ACOX1: variants seen among roughly 807,000 people sequenced by gnomAD.
ACOX1 encodes peroxisomal acyl-coenzyme A oxidase 1.
ACOX1 carries 41 observed loss-of-function variants against 75.5 expected under a neutral mutation model. The ratio of observed to expected loss-of-function variants is 0.54; its 90% CI spans 0.42 to 0.70. The LOEUF (loss-of-function observed/expected upper bound fraction) is 0.70, where lower values mean the gene tolerates loss of function less well. ACOX1 is among the 30% of genes least tolerant of loss of function. The pLI, the probability that ACOX1 is intolerant of heterozygous loss-of-function variation, is 0.00. For synonymous variants in ACOX1, 303 were observed against 298.8 expected, an observed-to-expected ratio of 1.01 and a Z score of -0.15; for missense variants, 630 against 837.5, an observed-to-expected ratio of 0.75 and a Z score of 3.06.
Position 75,958,120 on chromosome 17 carries a change from C to T in ACOX1, c.431-554G>A, listed in dbSNP as rs147830691. On this transcript the variant is annotated intron_variant, in intron 3 of 13. Transcript: ENST00000293217. ...CTGTAATCCCAGCACTTTAGGAGGC[C>T]GAGGCGGGTGGATCACGAGGTCAGG... is the stretch of plus-strand genomic sequence containing the variant. Among the ~76,000 whole-genome samples the T allele has an allele frequency of 3.6e-3, 543 of 152,008 alleles. 7 individuals carry two copies. Among genetic ancestry groups the T allele is most frequent in the African/African-American group, 0.011 (469 of 41,478 alleles).
intron 2 of ACOX1, among the ~76,000 whole-genome samples, chr17:75,965,316 C>A (rs1248648355): frequency 1.1e-4 from 13 of 122,310 alleles, no homozygotes; most frequent in African/African-American, 3.9e-4. Context: ...CCAGCCTGGG[C>A]GACAGAGCGA....
intron 6 of ACOX1, among the ~76,000 whole-genome samples, chr17:75,955,115 G>A (rs190435069): frequency 1.3e-3 from 185 of 147,976 alleles, no homozygotes; most frequent in African/African-American, 3.4e-3. Context: ...TGATCTTCCC[G>A]CCTCAGCCTC....
At chr17:75,968,262 C>T (rs1021616282) in intron 2 of ACOX1, among the ~76,000 whole-genome samples, 26 of 148,034 alleles carry the variant, frequency 1.8e-4, no homozygotes, top group Non-Finnish European at 3.0e-4. Flanking sequence ...CGGTGAAACC[C>T]CGTCTCTACT....
At chr17:75,975,812 G>C (rs1340476737) in intron 2 of ACOX1, among the ~76,000 whole-genome samples, 4 of 151,600 alleles carry the variant, frequency 2.6e-5, no homozygotes, top group Non-Finnish European at 5.9e-5. Flanking sequence ...TGAGGTGGCA[G>C]ATGCCTCTTC....
rs55762557 is a variant in ACOX1, at chr17:75,970,184, C to CAAAAAA, written c.269+8344_269+8349dup. On this transcript the variant is annotated intron_variant, in intron 2 of 13. Transcript: ENST00000293217. ...CAGCTTGGGCAACATGAGACTCCTT[C>CAAAAAA]AAAAAAAAAAAAAAAAAGAGGAAGG... Among the ~76,000 whole-genome samples, 56 of 69,080 alleles carry CAAAAAA rather than the reference C, an allele frequency of 8.1e-4. 3 individuals carry two copies. Among genetic ancestry groups the CAAAAAA allele is most frequent in the Non-Finnish European group, 1.3e-3 (48 of 35,602 alleles). 45.3% of individuals were successfully genotyped at this position (69,080 alleles called of 152,430 possible). A position where few individuals can be genotyped will look rare whatever the true frequency, so the allele number is the denominator to read the frequency against.
rs2065754869 is a variant in ACOX1 at position 75,949,594 on chromosome 17, T to G, written c.1485A>C (p.Val495=). ...EAYKLRAARL[V]EIAAKNLQKE... ...TTTGAAGGTTTTTTGCAGCAATTTC[T>G]ACTAATCTGTTAAGACATAGATTGG... Residue 495 remains valine (V), a synonymous_variant, in exon 11 of 14, where the codon GTA becomes GTC. Coordinates refer to ENST00000293217, the MANE Select transcript of ACOX1 (RefSeq NM_004035.7). 6.2e-7 allele frequency: 1 copy of G among 1,614,026 alleles called. No individual in the cohort carries two copies. Among genetic ancestry groups the G allele is most frequent in the Admixed American group, 1.7e-5 (1 of 59,994 alleles).
intron 13 of ACOX1, among the ~76,000 whole-genome samples, chr17:75,947,084 G>A (rs2065727565): frequency 6.6e-6 from 1 of 151,856 alleles, no homozygotes; most frequent in South Asian, 2.1e-4. Context: ...TGGCCAGGCT[G>A]GTCTAGAACT....
In ACOX1 at chr17:75,957,537, C is replaced by T. The variant is rs145324538; in HGVS notation, c.460G>A (p.Ala154Thr). 1 of 1,613,950 alleles carries T rather than the reference C, an allele frequency of 6.2e-7. No individual in the cohort carries two copies. Among genetic ancestry groups the T allele is most frequent in the Non-Finnish European group, 8.5e-7 (1 of 1,180,008 alleles). Residue 154 changes from alanine to threonine, a missense_variant, in exon 4 of 14, where the codon GCC becomes ACC. Coordinates refer to ENST00000293217, the MANE Select transcript of ACOX1 (RefSeq NM_004035.7). ...TCCTGGGTTTCAGGGTCATACGTGG[C>T]TGTGGTTTCCAAGCCTCGAAGGTGA... ...GTHLRGLETT[A>T]TYDPETQEFI...
chr17:75,950,806 T>C lies in ACOX1; in HGVS notation c.1266A>G (p.Gly422=). 6.2e-7 allele frequency: 1 copy of C among 1,614,132 alleles called. No individual in the cohort carries two copies. Among genetic ancestry groups the C allele is most frequent in the Non-Finnish European group, 8.5e-7 (1 of 1,180,016 alleles). The stretch of plus-strand genomic sequence containing the variant: ...TCTGGAGCATCATGACAGTGTTTTC[T>C]CCCTCAAAGGTACAGCTTGGGGTGA... ...VNFTPSCTFE[G]ENTVMMLQTA... The change falls in exon 9 of 14, where the codon GGA becomes GGG. Residue 422 remains glycine, a synonymous_variant. Coordinates refer to ENST00000293217, the MANE Select transcript of ACOX1 (RefSeq NM_004035.7). The surrounding 1 kb of genome is among the most constrained non-coding windows in gnomAD (Gnocchi z 4.3).
Position 75,949,841 on chromosome 17 carries a change from A to C in ACOX1, c.1355T>G (p.Val452Gly). The C allele has an allele frequency of 6.2e-7, 1 of 1,614,206 alleles. No individual in the cohort carries two copies. The highest frequency in any genetic ancestry group is 8.5e-7 in the Non-Finnish European group (1 of 1,180,030). Residue 452 changes from valine to glycine, a missense_variant, in exon 10 of 14, where the codon GTG (valine) becomes GGG (glycine). Around this residue, in one of 2 missense-constraint regions of ACOX1, gnomAD observed 240 missense variants for 262.7 expected, o/e 0.91. Coordinates refer to ENST00000293217, the MANE Select transcript of ACOX1 (RefSeq NM_004035.7). Reference sequence around the variant, plus strand: ...ACTGGGCAGGTCGTTCAAATAGGACACCATGCCACACACCAACTTTCCTGA... The same window carrying C: ...ACTGGGCAGGTCGTTCAAATAGGACCCCATGCCACACACCAACTTTCCTGA... The part of the protein sequence containing the change: ...VHSGKLVCGM[V>G]SYLNDLPSQR...
intron 2 of ACOX1, chr17:75,973,907 T>C (rs946420612): frequency 4.3e-6 from 4 of 927,312 alleles, no homozygotes; most frequent in South Asian, 1.5e-5. Flanking sequence ...CCCCTTCTTA[T>C]GAAATTAAAT....
intron 6 of ACOX1, among the ~76,000 whole-genome samples, chr17:75,955,020 A>C (rs1254061097): frequency 6.6e-6 from 1 of 152,090 alleles, no homozygotes; most frequent in Non-Finnish European, 1.5e-5. Context: ...GGTGCGCACC[A>C]CCACGCCCAG....
chr17:75,947,672 A>G (rs1171826065), intron 13 of ACOX1, among the ~76,000 whole-genome samples: 2 of 148,818 alleles, frequency 1.3e-5, no homozygotes, highest in Admixed American at 6.7e-5. Flanking sequence ...CTCTTTTTGT[A>G]TATTTTATTC....
rs563488447 is a variant in ACOX1 at position 75,960,122 on chromosome 17, C to T, written c.430+93G>A. 13 of 1,508,834 alleles carry T rather than the reference C, an allele frequency of 8.6e-6. No homozygotes were observed. Among genetic ancestry groups the T allele is most frequent in the Admixed American group, 1.7e-5 (1 of 57,540 alleles). The allele number at this position is 1,508,834 out of a possible 1,614,324, so 93.5% of individuals were successfully genotyped here. A position where few individuals can be genotyped will look rare whatever the true frequency, so the allele number is the denominator to read the frequency against. On this transcript the variant is annotated intron_variant, in intron 3 of 13. Coordinates refer to ENST00000293217, the MANE Select transcript of ACOX1 (RefSeq NM_004035.7). This position sits in a 1 kb window ranked among gnomAD's most constrained non-coding sequence, Gnocchi z 4.4. ...CTCATTTAAACAGACCATAGAACATCGACACACCATCGATGGCACATGGTG... is the reference window on the plus strand; with the variant it reads ...CTCATTTAAACAGACCATAGAACATTGACACACCATCGATGGCACATGGTG...
At chr17:75,948,852 TTTTC>T (rs200821416) in intron 12 of ACOX1, among the ~76,000 whole-genome samples, 17,609 of 146,598 alleles carry the variant, frequency 0.12, 1,582 homozygotes, top group African/African-American at 0.25. Flanking sequence ...GCCTGGCTAT[TTTTC>T]TTTTTCTTTT....
rs2066039592 is a variant in ACOX1, at chr17:75,975,459, C to T, written c.269+3075G>A. 3.3e-5 allele frequency among the ~76,000 whole-genome samples: 5 copies of T among 152,172 alleles called. No homozygotes were observed. The South Asian group carries it at 1.0e-3, about 32-fold the overall frequency. The stretch of plus-strand genomic sequence containing the variant: ...CAGGCGTGAGCCACCATGCCCCAGT[C>T]CCATTGTCTTTTCTATCTTACATAA... On this transcript the variant is annotated intron_variant, in intron 2 of 13. Transcript: ENST00000293217.
rs2065684509 is a variant in ACOX1 at position 75,942,769 on chromosome 17, T to A, written c.*3979A>T. On this transcript the variant is annotated 3_prime_UTR_variant, in exon 14 of 14. Transcript: ENST00000293217. ...GGTGTTACAGACCACCTACACCTAA[T>A]TCACTTCCTTTCTAATAAGATGGAT... is the stretch of plus-strand genomic sequence containing the variant. The A allele has an allele frequency of 6.6e-6, 1 of 152,096 alleles. No individual in the cohort carries two copies. Among genetic ancestry groups the A allele is most frequent in the Admixed American group, 6.6e-5 (1 of 15,254 alleles). 9.4% of individuals were successfully genotyped at this position (152,096 alleles called of 1,614,324 possible).
intron 2 of ACOX1, among the ~76,000 whole-genome samples, chr17:75,971,873 T>C (rs1332918383): frequency 6.6e-6 from 1 of 152,208 alleles, no homozygotes; most frequent in Non-Finnish European, 1.5e-5. Flanking sequence ...TTTCACATCT[T>C]ATGCCTCCTA....
intron 12 of ACOX1, 97 bp from the exon 13 acceptor site, chr17:75,948,554 TTTTC>T (rs2065743719): frequency 8.8e-7 from 1 of 1,137,460 alleles, no homozygotes; most frequent in South Asian, 1.4e-5. Flanking sequence ...ACAATTATTT[TTTTC>T]TTTTTTTTTT....
Sources: gnomAD v4.1 joint callset for allele counts (sites outside exome capture counted in the v4.1 genomes callset) on GRCh38, gnomAD v4.1.1 for gene constraint, gnomAD v4.1.1 regional missense constraint, Gnocchi (gnomAD v3.1) non-coding constraint, MANE v1.5 for transcripts, NCBI Gene and HGNC (gene_info 2026-07-23, HGNC 2026-07-21) for gene names.